Variants in SMCHD1 observed in about 807,000 individuals in gnomAD.
The protein encoded by SMCHD1 is structural maintenance of chromosomes flexible hinge domain containing 1, also known as structural maintenance of chromosomes flexible hinge domain-containing protein 1.
A neutral mutation model predicts 254.7 loss-of-function variants in SMCHD1; 78 were observed. That is an observed-to-expected ratio of 0.31 (90% CI 0.26 to 0.37). SMCHD1 has a LOEUF of 0.37. SMCHD1 is among the 10% of genes least tolerant of loss of function. The pLI is 1.00. For missense variants in SMCHD1, 1,840 were observed against 2,408.1 expected (o/e 0.76, Z 4.94); for synonymous variants, 766 against 794.9 (o/e 0.96, Z 0.61).
intron 34 of SMCHD1, among the ~76,000 whole-genome samples, chr18:2,753,804 A>G (rs2075620459): frequency 6.6e-6 from 1 of 151,894 alleles, no homozygotes; most frequent in African/African-American, 2.4e-5. Flanking sequence ...CCATCTGCCC[A>G]CCTCAGCCTC....
chr18:2,690,499 TCTCA>T (rs2074150555), intron 7 of SMCHD1, among the ~76,000 whole-genome samples: 1 of 151,892 alleles, frequency 6.6e-6, no homozygotes, highest in African/African-American at 2.4e-5. Flanking sequence ...TGAGACAGAG[TCTCA>T]CTCTCTTGCC....
chr18:2,724,006 G>GT (rs2074978347), intron 20 of SMCHD1, among the ~76,000 whole-genome samples: 1 of 150,918 alleles, frequency 6.6e-6, no homozygotes, highest in Non-Finnish European at 1.5e-5. Flanking sequence ...CTTCCTTTCC[G>GT]TTTTTTCTTT....
chr18:2,707,364 C>G, intron 15 of SMCHD1, 199 bp from the exon 16 acceptor site: 19 of 273,312 alleles, frequency 7.0e-5, no homozygotes, highest in East Asian at 1.2e-4. Context: ...TTTTTTTTTT[C>G]TTCTTCTTTT....
chr18:2,706,249 A>C, intron 14 of SMCHD1, 115 bp from the exon 15 acceptor site: 3 of 642,270 alleles, frequency 4.7e-6, no homozygotes, highest in Non-Finnish European at 7.7e-6. Context: ...ACTGTTATTT[A>C]TGTACTTAAT....
At chr18:2,774,834 C>T (rs1216335951) in intron 41 of SMCHD1, among the ~76,000 whole-genome samples, 1 of 152,214 alleles carries the variant, frequency 6.6e-6, no homozygotes, top group Non-Finnish European at 1.5e-5. Context: ...TGATACTGGC[C>T]ACAGTAGTCC....
At chr18:2,779,375 C>T (rs555214631) in intron 44 of SMCHD1, among the ~76,000 whole-genome samples, 1 of 152,110 alleles carries the variant, frequency 6.6e-6, no homozygotes, top group Non-Finnish European at 1.5e-5. Flanking sequence ...TGTTCTCACC[C>T]ATGAGGGTGA....
At chr18:2,792,546 T>C (rs961695846) in intron 45 of SMCHD1, among the ~76,000 whole-genome samples, 4 of 152,142 alleles carry the variant, frequency 2.6e-5, no homozygotes, top group Non-Finnish European at 5.9e-5. Flanking sequence ...CCACTGGGGG[T>C]CTTGGAACAT....
chr18:2,723,848 A>G lies in SMCHD1; in HGVS notation c.2604-1051A>G, dbSNP rs543867739. Among the ~76,000 whole-genome samples the G allele has an allele frequency of 2.6e-5, 4 of 152,022 alleles. No individual in the cohort carries two copies. In the South Asian group the frequency reaches 6.2e-4, roughly 24 times the overall value. ...TTGTTTAAACCTTTTCCTTTTGCCA[A>G]TTCTGAACAGTACCTGGGCACTCGA... On this transcript the variant is annotated intron_variant, in intron 20 of 47. Coordinates refer to ENST00000320876, the MANE Select transcript of SMCHD1 (RefSeq NM_015295.3).
intron 17 of SMCHD1, among the ~76,000 whole-genome samples, chr18:2,716,797 G>A (rs756142629): frequency 6.6e-6 from 1 of 152,344 alleles, no homozygotes; most frequent in Non-Finnish European, 1.5e-5. Flanking sequence ...CCTACCATCT[G>A]CTGCTGGCAG....
At chr18:2,661,890 C>G (rs2073268308) in intron 1 of SMCHD1, among the ~76,000 whole-genome samples, 2 of 151,932 alleles carry the variant, frequency 1.3e-5, no homozygotes, top group African/African-American at 2.4e-5. Flanking sequence ...GGCGCGGTGG[C>G]TCACGCCTGT....
intron 25 of SMCHD1, among the ~76,000 whole-genome samples, 161 bp from the exon 26 acceptor site, chr18:2,738,236 A>G (rs1362814761): frequency 6.6e-6 from 1 of 152,214 alleles, no homozygotes; most frequent in Non-Finnish European, 1.5e-5. Context: ...ATGCCTTTGT[A>G]TCATATTAGT....
chr18:2,686,900 ATTCT>A (rs572999503), intron 5 of SMCHD1, among the ~76,000 whole-genome samples: 3 of 151,944 alleles, frequency 2.0e-5, no homozygotes, highest in Non-Finnish European at 2.9e-5. Flanking sequence ...TGTTTATCCC[ATTCT>A]TTCTGTTTCT....
intron 7 of SMCHD1, chr18:2,691,764 AAC>A (rs2074185646): frequency 6.6e-6 from 1 of 152,254 alleles, no homozygotes; most frequent in African/African-American, 2.4e-5. Flanking sequence ...GGGATGCTGC[AAC>A]ATTTGCTATA....
rs533762005 is a variant in SMCHD1 at position 2,738,255 on chromosome 18, C to T, written c.3277-142C>T. On this transcript the variant is annotated intron_variant, in intron 25 of 47. Coordinates refer to ENST00000320876, the MANE Select transcript of SMCHD1 (RefSeq NM_015295.3). ...CTTTGTATCATATTAGTATATGAAC[C>T]ACACCGTTTCTGACCATAAAGAGAC... is the stretch of plus-strand genomic sequence containing the variant. 1.1e-4 allele frequency: 70 copies of T among 656,144 alleles called. No homozygotes were observed. In the African/African-American group the frequency reaches 1.1e-3, roughly 10 times the overall value. The allele number at this position is 656,144 out of a possible 1,614,324, so 40.6% of individuals were successfully genotyped here.
At chr18:2,714,663 T>C (rs907368733) in intron 17 of SMCHD1, among the ~76,000 whole-genome samples, 4 of 151,190 alleles carry the variant, frequency 2.6e-5, no homozygotes, top group African/African-American at 9.9e-5. Flanking sequence ...TATACTCTCA[T>C]GTGTTTTTAT....
Position 2,732,454 on chromosome 18 carries a change from G to A in SMCHD1, c.3238G>A (p.Glu1080Lys), listed in dbSNP as rs1397593980. ...IFQMYDEGER[E>K]INITSALAEK... ...TCAAATGTATGATGAAGGAGAAAGAGAAATCAATATAACATCAGCTTTAGC... is the reference window on the plus strand; with the variant it reads ...TCAAATGTATGATGAAGGAGAAAGAAAAATCAATATAACATCAGCTTTAGC... Residue 1080 changes from glutamate (E) to lysine (K), a missense_variant, in exon 25 of 48, where the codon GAA (glutamate) becomes AAA (lysine). Coordinates refer to ENST00000320876, the MANE Select transcript of SMCHD1 (RefSeq NM_015295.3). 6.2e-7 allele frequency: 1 copy of A among 1,609,840 alleles called. No individual in the cohort carries two copies. Among genetic ancestry groups the A allele is most frequent in the Admixed American group, 1.7e-5 (1 of 59,798 alleles).
intron 7 of SMCHD1, among the ~76,000 whole-genome samples, chr18:2,690,448 A>G (rs1280039715): frequency 1.3e-5 from 2 of 152,108 alleles, no homozygotes; most frequent in South Asian, 2.1e-4. Context: ...TTAGATTGTT[A>G]TAATTTTAAT....
chr18:2,753,038 A>C, intron 34 of SMCHD1: 1 of 163,510 alleles, frequency 6.1e-6, no homozygotes, highest in Non-Finnish European at 1.3e-5. Context: ...AGGACCAATC[A>C]TGGAAGCTCC....
chr18:2,732,557 A>G, intron 25 of SMCHD1, 65 bp downstream of exon 25: 1 of 1,042,982 alleles, frequency 9.6e-7, no homozygotes, highest in Admixed American at 2.7e-5. Context: ...GTAAGACTGA[A>G]CAAGCCGTTT....
Sources: gnomAD v4.1 joint callset for allele counts (sites outside exome capture counted in the v4.1 genomes callset) on GRCh38, gnomAD v4.1.1 for gene constraint, MANE v1.5 for transcripts, NCBI Gene and HGNC (gene_info 2026-07-23, HGNC 2026-07-21) for gene names.